Variants in SPMIP4 observed in about 807,000 individuals in gnomAD.
SPMIP4 encodes sperm microtubule inner protein 4, also known as sperm-associated microtubule inner protein 4.
At chr7:25,152,284 G>C in the SPMIP4 span, among the ~76,000 whole-genome samples, 2 of 152,172 alleles carry the variant, frequency 1.3e-5, no homozygotes, top group African/African-American at 4.8e-5. Flanking sequence ...GGTATTGAAA[G>C]GGAACATCTT....
At chr7:25,136,940 A>G in the SPMIP4 span, 2 of 791,938 alleles carry the variant, frequency 2.5e-6, no homozygotes, top group Admixed American at 5.5e-5. This position sits in a 1 kb window ranked among gnomAD's most constrained non-coding sequence, Gnocchi z 5.7. Flanking sequence ...ACTAATTTAA[A>G]GACATTGAAA....
the SPMIP4 span, among the ~76,000 whole-genome samples, chr7:25,168,645 G>C: frequency 2.6e-5 from 4 of 152,162 alleles, no homozygotes; most frequent in East Asian, 7.7e-4. Context: ...TGGGACTGCT[G>C]AAAGAATGAG....
the SPMIP4 span, chr7:25,179,356 T>G: frequency 6.3e-7 from 1 of 1,584,526 alleles, no homozygotes; most frequent in Non-Finnish European, 8.6e-7. Context: ...GGAGGGCACA[T>G]TTGGCTTGTC....
At chr7:25,136,906 G>A in the SPMIP4 span, 1 of 1,017,556 alleles carries the variant, frequency 9.8e-7, no homozygotes. The surrounding 1 kb of genome is among the most constrained non-coding windows in gnomAD (Gnocchi z 5.7). Flanking sequence ...GGGCATAGGA[G>A]TGTACATTGC....
the SPMIP4 span, chr7:25,142,926 G>C: frequency 1.3e-6 from 1 of 746,596 alleles, no homozygotes; most frequent in Non-Finnish European, 2.0e-6. Flanking sequence ...ACGTCAGAAT[G>C]GTTTTTTTTT....
At chr7:25,153,032 C>T in the SPMIP4 span, among the ~76,000 whole-genome samples, 1 of 152,020 alleles carries the variant, frequency 6.6e-6, no homozygotes, top group Non-Finnish European at 1.5e-5. Context: ...GCATGAGCCA[C>T]CACACCTGGC....
chr7:25,125,831 C>G, the SPMIP4 span: 1 of 806,660 alleles, frequency 1.2e-6, no homozygotes, highest in Non-Finnish European at 1.5e-6. Context: ...CCAGGAGTTA[C>G]ACGAGTTGGG....
the SPMIP4 span, among the ~76,000 whole-genome samples, chr7:25,171,274 G>C: frequency 6.6e-6 from 1 of 152,170 alleles, no homozygotes; most frequent in South Asian, 2.1e-4. Flanking sequence ...GGAGTGAAGG[G>C]CAGGGATTCT....
chr7:25,157,143 A>G, the SPMIP4 span, among the ~76,000 whole-genome samples: 2 of 152,234 alleles, frequency 1.3e-5, no homozygotes, highest in Non-Finnish European at 2.9e-5. Flanking sequence ...CCTCATTGCC[A>G]ATCTTAGTAA....
chr7:25,140,870 A>G, the SPMIP4 span, among the ~76,000 whole-genome samples: 1 of 152,230 alleles, frequency 6.6e-6, no homozygotes, highest in Non-Finnish European at 1.5e-5. Flanking sequence ...TACAGGCATG[A>G]GCCACCGAGC....
the SPMIP4 span, among the ~76,000 whole-genome samples, chr7:25,149,844 G>C: frequency 6.6e-6 from 1 of 152,168 alleles, no homozygotes; most frequent in Non-Finnish European, 1.5e-5. Context: ...ACCCAGATAC[G>C]TTTTATGAAT....
At chr7:25,153,775 T>G in the SPMIP4 span, among the ~76,000 whole-genome samples, 1 of 152,236 alleles carries the variant, frequency 6.6e-6, no homozygotes, top group Non-Finnish European at 1.5e-5. Flanking sequence ...TTCTTTTGCA[T>G]GGCACCATCT....
chr7:25,136,441 G>T, the SPMIP4 span: 1 of 1,614,132 alleles, frequency 6.2e-7, no homozygotes, highest in South Asian at 1.1e-5. This position sits in a 1 kb window ranked among gnomAD's most constrained non-coding sequence, Gnocchi z 5.7. Context: ...TGTCTTTTTA[G>T]TATCTGTGAT....
the SPMIP4 span, chr7:25,158,559 AC>A: frequency 6.3e-7 from 1 of 1,594,472 alleles, no homozygotes; most frequent in Non-Finnish European, 8.6e-7. Context: ...ACAAGTTCTA[AC>A]TTATATTGAG....
the SPMIP4 span, chr7:25,142,697 T>C: frequency 4.3e-6 from 7 of 1,613,440 alleles, no homozygotes; most frequent in Non-Finnish European, 5.9e-6. Flanking sequence ...TTTCTTTGTA[T>C]GTTGGCTTCT....
At chr7:25,179,027 C>G in the SPMIP4 span, 3 of 903,350 alleles carry the variant, frequency 3.3e-6, no homozygotes, top group African/African-American at 5.5e-5. Flanking sequence ...GGCGACAGAG[C>G]GAGACACCGT....
the SPMIP4 span, among the ~76,000 whole-genome samples, chr7:25,131,724 TG>T: frequency 3.9e-5 from 6 of 152,128 alleles, no homozygotes; most frequent in Non-Finnish European, 7.4e-5. The surrounding 1 kb of genome is among the most constrained non-coding windows in gnomAD (Gnocchi z 4.2). Flanking sequence ...TTGAGCCATG[TG>T]GTGAGTGTTA....
the SPMIP4 span, among the ~76,000 whole-genome samples, chr7:25,131,820 A>C: frequency 3.9e-5 from 6 of 152,214 alleles, no homozygotes; most frequent in Non-Finnish European, 8.8e-5. This position sits in a 1 kb window ranked among gnomAD's most constrained non-coding sequence, Gnocchi z 4.2. Flanking sequence ...GAACCCAGGC[A>C]CTTAGCCCTG....
the SPMIP4 span, among the ~76,000 whole-genome samples, chr7:25,149,630 T>C: frequency 6.6e-6 from 1 of 152,222 alleles, no homozygotes; most frequent in Non-Finnish European, 1.5e-5. Context: ...TGTTCTCAAA[T>C]AACTCATAAT....
Sources: allele counts gnomAD v4.1 joint callset (sites outside exome capture counted in the v4.1 genomes callset), GRCh38; gene constraint gnomAD v4.1.1; non-coding constraint Gnocchi (gnomAD v3.1); transcripts MANE v1.5; gene names NCBI Gene and HGNC (gene_info 2026-07-23, HGNC 2026-07-21).